SLC22A23: variants seen among roughly 807,000 people sequenced by gnomAD.
SLC22A23 encodes solute carrier family 22 member 23, also known as ion transporter protein.
In SLC22A23, 26 loss-of-function variants were observed where a neutral mutation model predicts 61.0. The observed-to-expected ratio is 0.43, with a 90% CI of 0.31 to 0.59. The LOEUF (loss-of-function observed/expected upper bound fraction) is 0.59, where lower values mean the gene tolerates loss of function less well. SLC22A23 is among the 20% of genes least tolerant of loss of function. The probability of loss-of-function intolerance (pLI) is 0.11; values close to 1 mark genes in which losing one functional copy is unlikely to be tolerated. For missense variants in SLC22A23, 796 were observed against 934.7 expected (o/e 0.85, Z 1.94); for synonymous variants, 430 against 413.9 (o/e 1.04, Z -0.47).
At chr6:3,380,428 T>C (rs1401298042) in intron 3 of SLC22A23, among the ~76,000 whole-genome samples, 1 of 152,208 alleles carries the variant, frequency 6.6e-6, no homozygotes, top group Non-Finnish European at 1.5e-5. Context: ...AGTATTTCCA[T>C]ACATCTGAGT....
intron 1 of SLC22A23, among the ~76,000 whole-genome samples, chr6:3,426,970 T>C (rs991760873): frequency 6.6e-6 from 1 of 152,240 alleles, no homozygotes; most frequent in Non-Finnish European, 1.5e-5. Flanking sequence ...CATCGCATGG[T>C]AAGCGAGAGC....
At chr6:3,370,199 G>C (rs1766118518) in intron 3 of SLC22A23, among the ~76,000 whole-genome samples, 1 of 152,106 alleles carries the variant, frequency 6.6e-6, no homozygotes, top group African/African-American at 2.4e-5. Context: ...AAAGAGGTTA[G>C]CCATACGTAG....
rs1769494257 is a variant in SLC22A23, at chr6:3,414,184, A to G, written c.758+1568T>C. On this transcript the variant is annotated intron_variant, in intron 2 of 9. Transcript: ENST00000406686. This position sits in a 1 kb window ranked among gnomAD's most constrained non-coding sequence, Gnocchi z 5.1. Reference sequence around the variant, plus strand: ...AAATTATTTATTGAATAAGGACACTACAACCCCAGTTGAGTTTGCATTTTT... The same window carrying G: ...AAATTATTTATTGAATAAGGACACTGCAACCCCAGTTGAGTTTGCATTTTT... 6.6e-6 allele frequency among the ~76,000 whole-genome samples: 1 copy of G among 152,268 alleles called. No homozygotes were observed. The highest frequency in any genetic ancestry group is 2.1e-4 in the South Asian group (1 of 4,836).
chr6:3,368,988 T>C (rs1766026007), intron 3 of SLC22A23, among the ~76,000 whole-genome samples: 1 of 152,082 alleles, frequency 6.6e-6, no homozygotes, highest in African/African-American at 2.4e-5. Context: ...AATTCAATGG[T>C]CTTTCCCAGA....
At chr6:3,378,076 C>T (rs1205691294) in intron 3 of SLC22A23, 4 of 152,240 alleles carry the variant, frequency 2.6e-5, no homozygotes, top group African/African-American at 4.8e-5. Flanking sequence ...GAAACCACCA[C>T]GACGCCACAT....
chr6:3,301,567 A>G (rs572512776), intron 4 of SLC22A23, among the ~76,000 whole-genome samples: 1 of 152,358 alleles, frequency 6.6e-6, no homozygotes, highest in East Asian at 1.9e-4. Flanking sequence ...ATGGCAGGAA[A>G]TGGATTTTGA....
rs114632171 is a variant in SLC22A23, at chr6:3,283,860, C to T, written c.1695G>A (p.Thr565=). The T allele has an allele frequency of 1.0e-3, 1,673 of 1,613,758 alleles. 16 individuals carry two copies. The African/African-American group carries it at 0.016, about 15-fold the overall frequency. The stretch of plus-strand genomic sequence containing the variant: ...TGTCTCCCATGACGCACCTTATCAC[C>T]GTCGGGGTGATCTCCGCACAGAAGA... The part of the protein sequence containing the change: ...SVFFCAEITP[T]VIRCGGLGLV... Residue 565 remains threonine, a synonymous_variant, in exon 9 of 10, where the codon ACG becomes ACA. Coordinates refer to ENST00000406686, the MANE Select transcript of SLC22A23 (RefSeq NM_015482.2).
intron 3 of SLC22A23, among the ~76,000 whole-genome samples, chr6:3,392,194 C>G (rs1312238548): frequency 6.6e-6 from 1 of 152,182 alleles, no homozygotes; most frequent in Non-Finnish European, 1.5e-5. Context: ...AAAAGTGGTA[C>G]CCATGACTTC....
At position 3,435,606 on chromosome 6, in the gene SLC22A23, C is replaced by A. The variant is rs530460115; in HGVS notation, c.655-19751G>T. Among the ~76,000 whole-genome samples the A allele has an allele frequency of 2.0e-5, 3 of 152,174 alleles. No individual in the cohort carries two copies. The East Asian group carries it at 5.8e-4, about 30-fold the overall frequency. ...CAACAGACAGACTGGACGGAAAGCC[C>A]ACTTACTGCAGAAGTGACATGAGAA... On this transcript the variant is annotated intron_variant, in intron 1 of 9. Transcript: ENST00000406686.
intron 3 of SLC22A23, among the ~76,000 whole-genome samples, chr6:3,332,699 A>G (rs1477999717): frequency 6.6e-6 from 1 of 152,212 alleles, no homozygotes; most frequent in Non-Finnish European, 1.5e-5. Context: ...AAAATTAACA[A>G]TAATTCTTTA....
chr6:3,285,486 G>C (rs1759903051), intron 7 of SLC22A23, among the ~76,000 whole-genome samples: 1 of 152,212 alleles, frequency 6.6e-6, no homozygotes, highest in South Asian at 2.1e-4. Context: ...GCCAGCCCCA[G>C]CTCTGCTCCT....
intron 3 of SLC22A23, among the ~76,000 whole-genome samples, chr6:3,356,508 C>T (rs945107329): frequency 6.6e-6 from 1 of 152,106 alleles, no homozygotes; most frequent in African/African-American, 2.4e-5. Context: ...CTAAACTTAC[C>T]GGCTCTGCAC....
intron 3 of SLC22A23, among the ~76,000 whole-genome samples, chr6:3,394,940 G>C (rs1197362244): frequency 1.3e-5 from 2 of 152,174 alleles, no homozygotes; most frequent in Admixed American, 6.5e-5. Context: ...CACAGGCAGG[G>C]GGCAGGTCTA....
chr6:3,446,792 G>C (rs572596009), intron 1 of SLC22A23, among the ~76,000 whole-genome samples: 1 of 152,150 alleles, frequency 6.6e-6, no homozygotes, highest in Non-Finnish European at 1.5e-5. Flanking sequence ...TCCATCGTAC[G>C]TGCGGTGTTT....
intron 3 of SLC22A23, among the ~76,000 whole-genome samples, chr6:3,383,172 G>T (rs1333327795): frequency 2.6e-5 from 4 of 152,230 alleles, no homozygotes; most frequent in Admixed American, 2.0e-4. Context: ...AACACAGGCG[G>T]CATCTCAGAA....
At chr6:3,345,057 A>C (rs546390416) in intron 3 of SLC22A23, among the ~76,000 whole-genome samples, 2 of 152,356 alleles carry the variant, frequency 1.3e-5, no homozygotes, top group South Asian at 4.1e-4. Flanking sequence ...TAAGACTGTA[A>C]TAAATATGTC....
chr6:3,384,804 C>T (rs909809378), intron 3 of SLC22A23, among the ~76,000 whole-genome samples: 5 of 152,196 alleles, frequency 3.3e-5, no homozygotes, highest in Non-Finnish European at 7.3e-5. Flanking sequence ...CATGTGTTCA[C>T]AGCAGCAGTA....
intron 5 of SLC22A23, chr6:3,290,481 C>T (rs1760480553): frequency 7.0e-6 from 1 of 143,420 alleles, no homozygotes; most frequent in African/African-American, 3.4e-5. Flanking sequence ...TGCACACATT[C>T]ATACGCATGC....
chr6:3,424,780 C>T (rs541718154), intron 1 of SLC22A23, among the ~76,000 whole-genome samples: 1 of 152,298 alleles, frequency 6.6e-6, no homozygotes, highest in Admixed American at 6.5e-5. Flanking sequence ...TCATTTGCAG[C>T]GGATTCTGCA....
Sources: allele counts gnomAD v4.1 joint callset (sites outside exome capture counted in the v4.1 genomes callset), GRCh38; gene constraint gnomAD v4.1.1; non-coding constraint Gnocchi (gnomAD v3.1); transcripts MANE v1.5; gene names NCBI Gene and HGNC (gene_info 2026-07-23, HGNC 2026-07-21).